Variants in NRXN1 observed in about 807,000 individuals in gnomAD.
NRXN1 encodes neurexin 1, also known as neurexin-1.
Under a neutral mutation model 150.9 loss-of-function variants are expected in NRXN1, and 39 were observed. The observed-to-expected ratio is 0.26, with a 90% confidence interval of 0.20 to 0.34. The LOEUF (loss-of-function observed/expected upper bound fraction) is 0.34. NRXN1 is among the 10% of genes least tolerant of loss of function. NRXN1 has a pLI of 1.00. For synonymous variants in NRXN1, 924 were observed against 757.0 expected, an observed-to-expected ratio of 1.22 and a Z score of -3.62; for missense variants, 1,815 against 1,949.9, an observed-to-expected ratio of 0.93 and a Z score of 1.30.
At chr2:50,616,084 ACT>A (rs1679010259) in intron 8 of NRXN1, 2 of 151,606 alleles carry the variant, frequency 1.3e-5, no homozygotes, top group South Asian at 4.2e-4. Context: ...TTTTTCTTTA[ACT>A]CTTTTTTTTC....
At chr2:50,484,058 T>G (rs982238774) in intron 15 of NRXN1, among the ~76,000 whole-genome samples, 1 of 152,072 alleles carries the variant, frequency 6.6e-6, no homozygotes, top group African/African-American at 2.4e-5. Context: ...TTAATGTAGG[T>G]GAAAAATTGG....
At chr2:50,962,783 A>G (rs1693419545) in intron 2 of NRXN1, among the ~76,000 whole-genome samples, 1 of 151,692 alleles carries the variant, frequency 6.6e-6, no homozygotes, top group African/African-American at 2.4e-5. Context: ...GTGTTCAATT[A>G]AATTTTCGCT....
At chr2:50,768,562 C>A (rs1215313128) in intron 5 of NRXN1, among the ~76,000 whole-genome samples, 1 of 151,824 alleles carries the variant, frequency 6.6e-6, no homozygotes, top group Non-Finnish European at 1.5e-5. Flanking sequence ...CCATGTCGGC[C>A]TCCCAAAGCG....
intron 17 of NRXN1, among the ~76,000 whole-genome samples, chr2:50,451,169 AT>A (rs2086925780): frequency 6.6e-6 from 1 of 152,156 alleles, no homozygotes; most frequent in South Asian, 2.1e-4. Flanking sequence ...GGGCTTTGCC[AT>A]GTTGACCAGG....
At position 50,564,731 on chromosome 2, in the gene NRXN1, G is replaced by A. The variant is rs1034846839; in HGVS notation, c.1321-11706C>T. On this transcript the variant is annotated intron_variant, in intron 8 of 22. Coordinates refer to ENST00000401669, the MANE Select transcript of NRXN1 (RefSeq NM_001330078.2). ...TTTCTAACTAAAAGGGCCCTAAAAA[G>A]TATAGAGACCCCAGGTTGAGAACTG... Among the ~76,000 whole-genome samples, 3 of 152,218 alleles carry A rather than the reference G, an allele frequency of 2.0e-5. No individual in the cohort carries two copies. In the East Asian group the frequency reaches 5.8e-4, roughly 29 times the overall value.
intron 8 of NRXN1, among the ~76,000 whole-genome samples, chr2:50,586,190 T>A (rs781373391): frequency 1.8e-4 from 27 of 152,184 alleles, no homozygotes; most frequent in Admixed American, 6.5e-4. Flanking sequence ...CTGTTCTTTC[T>A]ACCCAGAACG....
At chr2:50,381,077 C>A (rs1476356642) in intron 17 of NRXN1, among the ~76,000 whole-genome samples, 2 of 152,070 alleles carry the variant, frequency 1.3e-5, no homozygotes, top group Non-Finnish European at 2.9e-5. Context: ...ATATTCCCAG[C>A]ACCCAGCATA....
chr2:50,660,626 G>A lies in NRXN1; in HGVS notation c.833-37011C>T, dbSNP rs983205907. On this transcript the variant is annotated intron_variant, in intron 5 of 22. Transcript: ENST00000401669. Reference sequence around the variant, plus strand: ...TAATGTGTAGCTTGCAGTTAGAACAGGTGAGAGGCTTGACAGTAGCAAGAC... The same window carrying A: ...TAATGTGTAGCTTGCAGTTAGAACAAGTGAGAGGCTTGACAGTAGCAAGAC... Among the ~76,000 whole-genome samples the A allele has an allele frequency of 2.0e-5, 3 of 152,000 alleles. No homozygotes were observed. In the South Asian group the frequency reaches 6.2e-4, roughly 31 times the overall value.
In NRXN1 at chr2:50,041,962, C is replaced by T. The variant is rs374165457; in HGVS notation, c.4128+11309G>A. Among the ~76,000 whole-genome samples the T allele has an allele frequency of 6.6e-5, 10 of 152,294 alleles. No homozygotes were observed. The East Asian group carries it at 7.7e-4, about 12-fold the overall frequency. On this transcript the variant is annotated intron_variant, in intron 21 of 22. Coordinates refer to ENST00000401669, the MANE Select transcript of NRXN1 (RefSeq NM_001330078.2). ...TCTCTTTTCCTTTTAGGGACAACTACTGGTGCCTCCTTCCTAGTCTTATGA... is the reference window on the plus strand; with the variant it reads ...TCTCTTTTCCTTTTAGGGACAACTATTGGTGCCTCCTTCCTAGTCTTATGA...
chr2:50,906,200 A>C (rs1039595184), intron 5 of NRXN1, among the ~76,000 whole-genome samples: 35 of 152,292 alleles, frequency 2.3e-4, no homozygotes, highest in African/African-American at 8.4e-4. Context: ...TAGATAACAC[A>C]GGGATAGAAT....
intron 17 of NRXN1, among the ~76,000 whole-genome samples, chr2:50,303,788 T>C (rs547801835): frequency 2.6e-4 from 39 of 152,244 alleles, no homozygotes; most frequent in African/African-American, 8.9e-4. Flanking sequence ...GTAAAAACAA[T>C]TTCCATTTAC....
intron 17 of NRXN1, among the ~76,000 whole-genome samples, chr2:50,279,539 G>C (rs961547913): frequency 6.6e-6 from 1 of 152,074 alleles, no homozygotes; most frequent in Non-Finnish European, 1.5e-5. Context: ...GATTATCCTA[G>C]TTTAGGTAAT....
At chr2:50,701,683 C>T (rs1298816113) in intron 5 of NRXN1, among the ~76,000 whole-genome samples, 1 of 152,172 alleles carries the variant, frequency 6.6e-6, no homozygotes, top group Non-Finnish European at 1.5e-5. Flanking sequence ...TCAGTATTTG[C>T]ATCACATGGT....
At chr2:50,239,695 TATATATATATATATATA>T (rs2065825376) in intron 17 of NRXN1, among the ~76,000 whole-genome samples, 1 of 113,596 alleles carries the variant, frequency 8.8e-6, no homozygotes, top group African/African-American at 3.9e-5. Context: ...TATATATATA[TATATATATATATATATA>T]TATTTATGAC....
chr2:50,352,059 T>C (rs552467938), intron 17 of NRXN1, among the ~76,000 whole-genome samples: 2 of 152,124 alleles, frequency 1.3e-5, no homozygotes, highest in Admixed American at 6.6e-5. Flanking sequence ...CCATGGCTAC[T>C]GAGATCTACC....
At chr2:50,580,781 T>C (rs1573633341) in intron 8 of NRXN1, among the ~76,000 whole-genome samples, 1 of 152,074 alleles carries the variant, frequency 6.6e-6, no homozygotes, top group African/African-American at 2.4e-5. Context: ...TCCTCATAAA[T>C]CATCTGAGCA....
chr2:50,326,363 A>T (rs945610205), intron 17 of NRXN1, among the ~76,000 whole-genome samples: 1 of 152,334 alleles, frequency 6.6e-6, no homozygotes, highest in Non-Finnish European at 1.5e-5. Flanking sequence ...TGAAATTATT[A>T]TTTTGTACTT....
intron 2 of NRXN1, among the ~76,000 whole-genome samples, chr2:50,993,031 T>C (rs1698759625): frequency 1.3e-5 from 2 of 151,964 alleles, no homozygotes; most frequent in African/African-American, 4.8e-5. Flanking sequence ...AAATAACGTA[T>C]GCAAGAAATC....
chr2:49,974,230 G>A (rs1048460538), intron 21 of NRXN1: 4 of 683,896 alleles, frequency 5.8e-6, no homozygotes, highest in African/African-American at 3.5e-5. Context: ...TGTCACTGAG[G>A]AGCCAATGGC....
Sources: gnomAD v4.1 joint callset for allele counts (sites outside exome capture counted in the v4.1 genomes callset) on GRCh38, gnomAD v4.1.1 for gene constraint, MANE v1.5 for transcripts, NCBI Gene and HGNC (gene_info 2026-07-23, HGNC 2026-07-21) for gene names.